Variants in MARCHF1 observed in about 807,000 individuals in gnomAD.
MARCHF1 encodes E3 ubiquitin-protein ligase MARCHF1.
In MARCHF1, 40 loss-of-function variants were observed where a neutral mutation model predicts 54.2. The observed-to-expected ratio is 0.74, with a 90% CI of 0.57 to 0.96. MARCHF1 has a LOEUF of 0.96. MARCHF1 is among the 40% of genes least tolerant of loss of function. The pLI, the probability that MARCHF1 is intolerant of heterozygous loss-of-function variation, is 0.00. For missense variants in MARCHF1, 586 were observed against 656.5 expected (o/e 0.89, Z 1.17); for synonymous variants, 236 against 236.3 (o/e 1.00, Z 0.01).
intron 1 of MARCHF1, among the ~76,000 whole-genome samples, chr4:164,203,615 C>CA (rs1161419128): frequency 1.3e-4 from 19 of 151,970 alleles, no homozygotes; most frequent in South Asian, 6.2e-4. Context: ...CACCCTGTGC[C>CA]AAAAAAACAA....
chr4:163,786,690 C>A (rs1250965154), intron 4 of MARCHF1, among the ~76,000 whole-genome samples: 1 of 151,836 alleles, frequency 6.6e-6, no homozygotes, highest in Non-Finnish European at 1.5e-5. Context: ...TCAATGCAAT[C>A]CCGATCAAAA....
chr4:163,965,634 A>G (rs539368383), intron 3 of MARCHF1, among the ~76,000 whole-genome samples: 18 of 152,204 alleles, frequency 1.2e-4, no homozygotes, highest in African/African-American at 4.3e-4. Flanking sequence ...CATTTTAATC[A>G]AAATAGTTTA....
At chr4:163,790,613 GATCA>G in intron 4 of MARCHF1, among the ~76,000 whole-genome samples, 1 of 152,172 alleles carries the variant, frequency 6.6e-6, no homozygotes, top group South Asian at 2.1e-4. Context: ...TTAGAAAATA[GATCA>G]AGAGAAAAAA....
At chr4:164,027,222 T>C (rs1193493403) in intron 2 of MARCHF1, among the ~76,000 whole-genome samples, 2 of 151,672 alleles carry the variant, frequency 1.3e-5, no homozygotes, top group Non-Finnish European at 2.9e-5. Context: ...TTTCACAGCA[T>C]TATACAAAAG....
rs867765455 is a variant in MARCHF1 at position 163,612,220 on chromosome 4, C to T, written c.1010+51G>A. On this transcript the variant is annotated intron_variant, in intron 7 of 9. Transcript: ENST00000514618. ...TGTCAAACACGCACCTAACTCACTG[C>T]AAAAAGAACTATATATGGATGACAT... 2.6e-5 allele frequency: 37 copies of T among 1,408,324 alleles called. No individual in the cohort carries two copies. In the Middle Eastern group the frequency reaches 5.5e-4, roughly 21 times the overall value. 87.2% of individuals were successfully genotyped at this position (1,408,324 alleles called of 1,614,324 possible). A position where few individuals can be genotyped will look rare whatever the true frequency, so the allele number is the denominator to read the frequency against.
At chr4:164,224,749 A>G (rs1732204607) in intron 1 of MARCHF1, among the ~76,000 whole-genome samples, 1 of 152,036 alleles carries the variant, frequency 6.6e-6, no homozygotes, top group South Asian at 2.1e-4. Flanking sequence ...ATATAGTGCA[A>G]TTCTTAGTCA....
rs1748750132 is a variant in MARCHF1 at position 163,823,281 on chromosome 4, A to G, written c.111+30740T>C. Among the ~76,000 whole-genome samples the G allele has an allele frequency of 2.0e-5, 3 of 151,818 alleles. No individual in the cohort carries two copies. The Admixed American group carries it at 2.0e-4, about 10-fold the overall frequency. ...AGCTACCCCAGTAAGGAAGCTATAGATGAAAAAACTAAATATAAGAGAATA... is the reference window on the plus strand; with the variant it reads ...AGCTACCCCAGTAAGGAAGCTATAGGTGAAAAAACTAAATATAAGAGAATA... On this transcript the variant is annotated intron_variant, in intron 4 of 9. Coordinates refer to ENST00000514618, the MANE Select transcript of MARCHF1 (RefSeq NM_001394959.1).
At chr4:163,529,158 G>T in intron 9 of MARCHF1, 112 bp from the exon 10 acceptor site, 1 of 708,010 alleles carries the variant, frequency 1.4e-6, no homozygotes, top group Non-Finnish European at 2.3e-6. Context: ...GATTATGTAT[G>T]TTAACAGAAA....
intron 4 of MARCHF1, among the ~76,000 whole-genome samples, chr4:163,785,745 AG>A (rs140023549): frequency 7.2e-5 from 11 of 152,204 alleles, no homozygotes; most frequent in Non-Finnish European, 1.2e-4. Flanking sequence ...GGAAAAAAAA[AG>A]TCACTGTGAT....
rs553451638 is a variant in MARCHF1, at chr4:164,011,707, G to A, written c.-247-22998C>T. On this transcript the variant is annotated intron_variant, in intron 2 of 9. Transcript: ENST00000514618. ...AATTAGTACAGCTATTACAGAGTCA[G>A]TATGAAGGTTCCCCCAAAAAACTAA... Among the ~76,000 whole-genome samples, 3 of 152,340 alleles carry A rather than the reference G, an allele frequency of 2.0e-5. No individual in the cohort carries two copies. In the South Asian group the frequency reaches 6.2e-4, roughly 32 times the overall value.
chr4:164,032,237 G>T (rs1284209682), intron 2 of MARCHF1, among the ~76,000 whole-genome samples: 1 of 151,840 alleles, frequency 6.6e-6, no homozygotes, highest in African/African-American at 2.4e-5. Context: ...TCCTTTATTA[G>T]TCTAGCTAGT....
chr4:163,586,365 A>T (rs553901668), intron 7 of MARCHF1, among the ~76,000 whole-genome samples: 88 of 152,272 alleles, frequency 5.8e-4, no homozygotes, highest in African/African-American at 2.1e-3. Flanking sequence ...AATATTGCCA[A>T]ATCAAAAAAA....
chr4:163,631,981 G>A (rs947459606), intron 5 of MARCHF1, among the ~76,000 whole-genome samples: 1 of 152,132 alleles, frequency 6.6e-6, no homozygotes, highest in African/African-American at 2.4e-5. Flanking sequence ...AAAAACACAT[G>A]AAAAGATGTT....
Position 163,742,426 on chromosome 4 carries a change from CCTTCCTT to C in MARCHF1, c.112-41570_112-41564del, listed in dbSNP as rs1746231514. 5.2e-5 allele frequency among the ~76,000 whole-genome samples: 7 copies of C among 134,016 alleles called. No individual in the cohort carries two copies. In the South Asian group the frequency reaches 1.7e-3, roughly 33 times the overall value. 87.9% of individuals were successfully genotyped at this position (134,016 alleles called of 152,430 possible). On this transcript the variant is annotated intron_variant, in intron 4 of 9. Coordinates refer to ENST00000514618, the MANE Select transcript of MARCHF1 (RefSeq NM_001394959.1). Reference sequence around the variant, plus strand: ...TCCTTCCTTCCTTCCTTCCTTCCTTCCTTCCTTTTCTTTCTTTTCTCTTTCTTTCACT... The same window carrying C: ...TCCTTCCTTCCTTCCTTCCTTCCTTCTTCTTTCTTTTCTCTTTCTTTCACT...
chr4:163,844,168 T>C (rs7665340), intron 4 of MARCHF1, among the ~76,000 whole-genome samples: 149,299 of 152,200 alleles, frequency 0.98, 73,275 homozygotes, highest in Middle Eastern at 1. Context: ...GTGTTCCCCG[T>C]TATACGTCCC....
chr4:164,298,824 G>T (rs1020710760), intron 1 of MARCHF1, among the ~76,000 whole-genome samples: 4 of 152,032 alleles, frequency 2.6e-5, no homozygotes, highest in African/African-American at 9.7e-5. Flanking sequence ...CTAACACAAA[G>T]GTTGATGCAA....
intron 1 of MARCHF1, among the ~76,000 whole-genome samples, chr4:164,304,906 C>T (rs974014345): frequency 1.3e-5 from 2 of 152,066 alleles, no homozygotes; most frequent in African/African-American, 4.8e-5. Context: ...GTAAATAAAC[C>T]ATTCAAGTTT....
intron 4 of MARCHF1, among the ~76,000 whole-genome samples, chr4:163,701,196 A>G (rs918748524): frequency 3.9e-5 from 6 of 152,202 alleles, no homozygotes; most frequent in African/African-American, 1.4e-4. Flanking sequence ...GTAGTCTACC[A>G]TTTCCCCTCT....
intron 3 of MARCHF1, among the ~76,000 whole-genome samples, chr4:163,890,017 C>CG (rs1237664936): frequency 6.7e-6 from 1 of 148,846 alleles, no homozygotes. Flanking sequence ...CTCCGCCGCC[C>CG]GGGTTCACAC....
Sources: allele counts gnomAD v4.1 joint callset (sites outside exome capture counted in the v4.1 genomes callset), GRCh38; gene constraint gnomAD v4.1.1; transcripts MANE v1.5; gene names NCBI Gene and HGNC (gene_info 2026-07-23, HGNC 2026-07-21).